The following AFF3 variants were observed in gnomAD, a reference collection of about 807,000 sequenced individuals.
AFF3 encodes ALF transcription elongation factor 3.
Under a neutral mutation model 129.7 loss-of-function variants are expected in AFF3, and 32 were observed. The ratio of observed to expected loss-of-function variants is 0.25; its 90% CI spans 0.19 to 0.33. AFF3 has a LOEUF of 0.33. Among genes scored for constraint, AFF3 ranks in the 10% least tolerant of loss-of-function variants. AFF3 has a pLI of 1.00. For synonymous variants in AFF3, 644 were observed against 635.4 expected, an observed-to-expected ratio of 1.01 and a Z score of -0.20; for missense variants, 1,373 against 1,592.0, an observed-to-expected ratio of 0.86 and a Z score of 2.34.
chr2:100,021,848 T>C (rs1471097076), intron 4 of AFF3, among the ~76,000 whole-genome samples: 1 of 152,206 alleles, frequency 6.6e-6, no homozygotes, highest in East Asian at 1.9e-4. Context: ...ATGGAAACTG[T>C]GGATATTAAA....
rs566179420 is a variant in AFF3, at chr2:99,996,518, G to A, written c.873+10114C>T. Among the ~76,000 whole-genome samples the A allele has an allele frequency of 2.0e-3, 294 of 146,524 alleles. 2 individuals carry two copies. The highest frequency in any genetic ancestry group is 6.5e-3 in the African/African-American group (257 of 39,268). ...TGGGACTACAGGCACCTGCCACCAC[G>A]CCCGGCTAATTTTTTTTTTTTTTTT... is the stretch of plus-strand genomic sequence containing the variant. On this transcript the variant is annotated intron_variant, in intron 7 of 24. Transcript: ENST00000672756.
intron 11 of AFF3, among the ~76,000 whole-genome samples, chr2:99,695,204 C>G (rs1210001348): frequency 6.6e-6 from 1 of 152,174 alleles, no homozygotes; most frequent in Non-Finnish European, 1.5e-5. Flanking sequence ...TCAGCTCAGA[C>G]TCCCCATTTC....
intron 7 of AFF3, among the ~76,000 whole-genome samples, chr2:99,917,798 C>T (rs1695574553): frequency 6.6e-6 from 1 of 152,024 alleles, no homozygotes; most frequent in South Asian, 2.1e-4. Context: ...TACAGCATTA[C>T]CTAGTAAGAA....
chr2:100,002,119 C>A (rs1573070213), intron 7 of AFF3, among the ~76,000 whole-genome samples: 1 of 152,246 alleles, frequency 6.6e-6, no homozygotes, highest in East Asian at 1.9e-4. Flanking sequence ...ACCCTCATTT[C>A]TCCCAGGAGC....
intron 11 of AFF3, among the ~76,000 whole-genome samples, chr2:99,714,181 A>G (rs183175180): frequency 2.0e-5 from 3 of 152,326 alleles, no homozygotes; most frequent in East Asian, 1.9e-4. Context: ...AGCAATGCCT[A>G]ATCGCCCTCT....
chr2:100,032,553 T>TGTA (rs1684587109), intron 4 of AFF3, among the ~76,000 whole-genome samples: 5 of 152,232 alleles, frequency 3.3e-5, no homozygotes, highest in African/African-American at 1.2e-4. Context: ...ATTGTGTACC[T>TGTA]CACACTGTAT....
rs371885715 is a variant in AFF3 at position 99,578,473 on chromosome 2, T to A, written c.2794-22A>T. The A allele has an allele frequency of 3.1e-6, 5 of 1,606,132 alleles. No individual in the cohort carries two copies. The African/African-American group carries it at 5.4e-5, about 17-fold the overall frequency. On this transcript the variant is annotated intron_variant, in intron 17 of 24. Transcript: ENST00000672756. Reference sequence around the variant, plus strand: ...CTTTCTAAACAACAAACAACACACATCTTTGAGAAATTGGCCACCTGGTGA... The same window carrying A: ...CTTTCTAAACAACAAACAACACACAACTTTGAGAAATTGGCCACCTGGTGA...
At chr2:99,722,299 CT>C (rs1287496388) in intron 11 of AFF3, among the ~76,000 whole-genome samples, 1 of 152,104 alleles carries the variant, frequency 6.6e-6, no homozygotes, top group Non-Finnish European at 1.5e-5. Flanking sequence ...ACTCATATGT[CT>C]TTTAAGTTTT....
In AFF3 at chr2:99,560,369, A is replaced by C; in HGVS notation, c.3187T>G (p.Leu1063Val). The part of the protein sequence containing the change: ...ATPEDKQLAA[L>V]CYRCLALLYW... ...TAAGCGGAGATGGGCACTCACCATAATGCAGCCAGTTGTTTGTCTTCTGGT... is the reference window on the plus strand; with the variant it reads ...TAAGCGGAGATGGGCACTCACCATACTGCAGCCAGTTGTTTGTCTTCTGGT... The change falls in exon 21 of 25, where the codon TTA (leucine) becomes GTA (valine). Residue 1063 changes from leucine (L) to valine (V), a missense_variant. Transcript: ENST00000672756. 6.2e-7 allele frequency: 1 copy of C among 1,614,112 alleles called. No individual in the cohort carries two copies. The highest frequency in any genetic ancestry group is 8.5e-7 in the Non-Finnish European group (1 of 1,179,964).
chr2:100,136,159 G>C (rs1354890557), intron 1 of AFF3, among the ~76,000 whole-genome samples: 3 of 152,226 alleles, frequency 2.0e-5, no homozygotes, highest in African/African-American at 7.2e-5. Context: ...AGTGTTGTGC[G>C]AGAGCTGGGT....
intron 10 of AFF3, among the ~76,000 whole-genome samples, chr2:99,743,587 G>C (rs975423088): frequency 2.6e-5 from 4 of 152,124 alleles, no homozygotes; most frequent in African/African-American, 9.7e-5. Context: ...TGACAAAAAA[G>C]CCCATGTGTT....
intron 7 of AFF3, among the ~76,000 whole-genome samples, chr2:99,867,279 A>T (rs1297547286): frequency 1.3e-5 from 2 of 151,854 alleles, no homozygotes; most frequent in South Asian, 2.1e-4. Flanking sequence ...GCTTCGAAGG[A>T]TCCTTCTTTA....
At chr2:99,943,353 C>T (rs1470907539) in intron 7 of AFF3, among the ~76,000 whole-genome samples, 1 of 152,158 alleles carries the variant, frequency 6.6e-6, no homozygotes, top group Admixed American at 6.5e-5. Flanking sequence ...ATCACAAATA[C>T]CAAAAAGATG....
chr2:99,940,827 C>T (rs766300903), intron 7 of AFF3, among the ~76,000 whole-genome samples: 1 of 152,244 alleles, frequency 6.6e-6, no homozygotes, highest in African/African-American at 2.4e-5. Context: ...CTCCTGGCAT[C>T]TGGATTGGGA....
At chr2:100,058,248 G>T (rs1686965443) in intron 4 of AFF3, among the ~76,000 whole-genome samples, 1 of 152,144 alleles carries the variant, frequency 6.6e-6, no homozygotes. Context: ...TTGCCCAAGG[G>T]ACATAACTAG....
At chr2:99,722,769 C>G (rs1679020472) in intron 11 of AFF3, among the ~76,000 whole-genome samples, 2 of 152,194 alleles carry the variant, frequency 1.3e-5, no homozygotes, top group African/African-American at 2.4e-5. Context: ...ATGGAGGGCT[C>G]TCTTCTTTAT....
intron 7 of AFF3, among the ~76,000 whole-genome samples, chr2:99,939,234 T>A (rs1401087340): frequency 2.6e-5 from 4 of 152,278 alleles, no homozygotes; most frequent in African/African-American, 9.6e-5. Flanking sequence ...CTATCCTGTT[T>A]CATCTTTGTT....
intron 7 of AFF3, among the ~76,000 whole-genome samples, chr2:99,897,490 G>C (rs967498509): frequency 1.3e-5 from 2 of 152,194 alleles, no homozygotes; most frequent in African/African-American, 4.8e-5. Context: ...TCCTTTGGTG[G>C]AGGCCTGCTC....
intron 11 of AFF3, chr2:99,707,321 C>G (rs1677494686): frequency 6.7e-5 from 66 of 984,234 alleles, no homozygotes; most frequent in Non-Finnish European, 7.7e-5. Context: ...AAAAAAAAAT[C>G]AATCTTGAAG....
Sources: gnomAD v4.1 joint callset for allele counts (sites outside exome capture counted in the v4.1 genomes callset) on GRCh38, gnomAD v4.1.1 for gene constraint, MANE v1.5 for transcripts, NCBI Gene and HGNC (gene_info 2026-07-23, HGNC 2026-07-21) for gene names.